Variants in TOP2A observed in about 807,000 individuals in gnomAD.
The protein encoded by TOP2A is DNA topoisomerase II alpha.
In TOP2A, 68 loss-of-function variants were observed where a neutral mutation model predicts 187.2. That is an observed-to-expected ratio of 0.36 (90% confidence interval 0.30 to 0.44). The LOEUF (loss-of-function observed/expected upper bound fraction) is 0.44. TOP2A is among the 20% of genes least tolerant of loss of function. The pLI is 1.00. For synonymous variants in TOP2A, 542 were observed against 593.2 expected, an observed-to-expected ratio of 0.91 and a Z score of 1.25; for missense variants, 1,196 against 1,808.7, an observed-to-expected ratio of 0.66 and a Z score of 6.14.
Position 40,400,336 on chromosome 17 carries a change from CTA to C in TOP2A, c.2871_2872del (p.Tyr957Ter). On this transcript the variant is annotated stop_gained and frameshift_variant, in exon 23 of 35. Transcript: ENST00000423485. LOFTEE classifies it high-confidence loss of function. ...CACAGTGGTATCTGTATGGTATTCCCTATAGTCTGTTATGAGAGGAGGTGTCT... is the reference window on the plus strand; with the variant it reads ...CACAGTGGTATCTGTATGGTATTCCCTAGTCTGTTATGAGAGGAGGTGTCT... The C allele has an allele frequency of 6.2e-7, 1 of 1,613,404 alleles. No individual in the cohort carries two copies. The highest frequency in any genetic ancestry group is 1.1e-5 in the South Asian group (1 of 91,038).
At chr17:40,404,338 C>T in intron 18 of TOP2A, 39 bp downstream of exon 18, 1 of 1,606,744 alleles carries the variant, frequency 6.2e-7, no homozygotes, top group East Asian at 2.2e-5. Flanking sequence ...ATTTGATTTC[C>T]ATCTTACAAT....
rs1334876755 is a variant in TOP2A, at chr17:40,407,260, A to G, written c.1626+289T>C. On this transcript the variant is annotated intron_variant, in intron 13 of 34. Coordinates refer to ENST00000423485, the MANE Select transcript of TOP2A (RefSeq NM_001067.4). ...GCCTGGGCGACAAGGGCGAAACTCC[A>G]TCTCAAACAAACAAAGAATTGTTTA... Among the ~76,000 whole-genome samples, 3 of 152,230 alleles carry G rather than the reference A, an allele frequency of 2.0e-5. No homozygotes were observed. The East Asian group carries it at 5.8e-4, about 29-fold the overall frequency.
intron 19 of TOP2A, among the ~76,000 whole-genome samples, chr17:40,403,388 T>C (rs546290764): frequency 6.6e-6 from 1 of 152,348 alleles, no homozygotes; most frequent in African/African-American, 2.4e-5. Context: ...TGTGTGTGTA[T>C]TGGCCCTCTG....
At chr17:40,395,915 AT>A (rs372532948) in intron 28 of TOP2A, among the ~76,000 whole-genome samples, 6 of 149,680 alleles carry the variant, frequency 4.0e-5, no homozygotes, top group African/African-American at 1.2e-4. Flanking sequence ...AATTTTATAC[AT>A]TTTTTTTTCA....
At chr17:40,394,435 C>T (rs921299090) in intron 29 of TOP2A, among the ~76,000 whole-genome samples, 11 of 152,252 alleles carry the variant, frequency 7.2e-5, no homozygotes, top group Non-Finnish European at 1.0e-4. Context: ...TGGGTTCAAG[C>T]GACACTCGTG....
Position 40,392,550 on chromosome 17 carries a change from AC to A in TOP2A, c.3964+34del, listed in dbSNP as rs1261694679. The A allele has an allele frequency of 1.9e-6, 3 of 1,588,514 alleles. No individual in the cohort carries two copies. In the African/African-American group the frequency reaches 4.1e-5, roughly 22 times the overall value. On this transcript the variant is annotated intron_variant, in intron 30 of 34. Coordinates refer to ENST00000423485, the MANE Select transcript of TOP2A (RefSeq NM_001067.4). ...GAAGTATATTGGCCATTCCACTCTT[AC>A]AGTTTATCTATAATGTTCTTTAGTT...
rs2035342263 is a variant in TOP2A, at chr17:40,412,982, AAAG to A, written c.577-14_577-12del. The A allele has an allele frequency of 1.9e-6, 3 of 1,590,162 alleles. No homozygotes were observed. Among genetic ancestry groups the A allele is most frequent in the African/African-American group, 1.3e-5 (1 of 74,140 alleles). Reference sequence around the variant, plus strand: ...ATTATCCATCCATGTCTATGGAAGTAAAGAATAGGAAACATGAAAAATTCAAGT... The same window carrying A: ...ATTATCCATCCATGTCTATGGAAGTAAATAGGAAACATGAAAAATTCAAGT... On this transcript the variant is annotated splice_polypyrimidine_tract_variant and intron_variant, in intron 6 of 34. Coordinates refer to ENST00000423485, the MANE Select transcript of TOP2A (RefSeq NM_001067.4).
chr17:40,413,840 T>TA (rs1402351196), intron 4 of TOP2A, among the ~76,000 whole-genome samples: 2 of 151,980 alleles, frequency 1.3e-5, no homozygotes, highest in East Asian at 1.9e-4. Flanking sequence ...CTACTAAAAA[T>TA]AAAAAAAATT....
At chr17:40,416,179 T>A in intron 3 of TOP2A, 111 bp from the exon 4 acceptor site, 1 of 897,518 alleles carries the variant, frequency 1.1e-6, no homozygotes, top group Non-Finnish European at 1.7e-6. Flanking sequence ...GGAGTGGCAT[T>A]AACAAGGTGT....
At position 40,402,935 on chromosome 17, in the gene TOP2A, A is replaced by G; in HGVS notation, c.2403T>C (p.Ala801=). 1 of 1,609,514 alleles carries G rather than the reference A, an allele frequency of 6.2e-7. No individual in the cohort carries two copies. The highest frequency in any genetic ancestry group is 8.5e-7 in the Non-Finnish European group (1 of 1,177,762). ...GTRLHGGKDS[A]SPRYIFTMLS... ...GCATTGTAAAGATGTATCGTGGACT[A>G]GCAGAATCCTTGCCACCATGTAGCC... Residue 801 remains alanine (A), a synonymous_variant, in exon 20 of 35, where the codon GCT becomes GCC. Transcript: ENST00000423485.
intron 7 of TOP2A, among the ~76,000 whole-genome samples, chr17:40,412,431 G>T (rs1485951033): frequency 1.3e-5 from 2 of 152,010 alleles, no homozygotes; most frequent in Non-Finnish European, 2.9e-5. Flanking sequence ...GGATCATGAG[G>T]TCTGGTGTTC....
intron 20 of TOP2A, among the ~76,000 whole-genome samples, chr17:40,401,414 A>G (rs1455097751): frequency 6.6e-6 from 1 of 152,134 alleles, no homozygotes; most frequent in Non-Finnish European, 1.5e-5. Context: ...TGAGCAGAGA[A>G]AAGACACTGA....
intron 14 of TOP2A, 40 bp from the exon 15 acceptor site, chr17:40,406,729 G>T (rs1455555755): frequency 6.3e-7 from 1 of 1,590,628 alleles, no homozygotes; most frequent in Non-Finnish European, 8.6e-7. Context: ...GTACACTGTG[G>T]GGTCCCCTGT....
At chr17:40,413,674 G>T in intron 4 of TOP2A, 49 bp from the exon 5 acceptor site, 1 of 909,796 alleles carries the variant, frequency 1.1e-6, no homozygotes. Flanking sequence ...TTAAACGAAT[G>T]CTTAACATTT....
intron 28 of TOP2A, among the ~76,000 whole-genome samples, chr17:40,395,879 C>T (rs1598609463): frequency 6.6e-6 from 1 of 152,096 alleles, no homozygotes; most frequent in East Asian, 1.9e-4. Flanking sequence ...CACAGCGAGA[C>T]TCCATCTCAA....
intron 3 of TOP2A, 90 bp downstream of exon 3, chr17:40,416,332 T>C (rs533256130): frequency 1.0e-6 from 1 of 964,808 alleles, no homozygotes; most frequent in African/African-American, 1.7e-5. Context: ...ATACTTTTTG[T>C]TTTTACTTTT....
chr17:40,392,471 T>A, intron 30 of TOP2A, 114 bp downstream of exon 30: 1 of 1,470,880 alleles, frequency 6.8e-7, no homozygotes, highest in Non-Finnish European at 9.2e-7. Context: ...TTCAAAGCTT[T>A]AACATAATTT....
chr17:40,404,775 T>C lies in TOP2A; in HGVS notation c.2046+16A>G, dbSNP rs778777303. On this transcript the variant is annotated intron_variant, in intron 17 of 34. Transcript: ENST00000423485. Reference sequence around the variant, plus strand: ...GTCTAACAATCCATTTTGTGGCATATATTTAAAACTTTTACCTCAGGAAGC... The same window carrying C: ...GTCTAACAATCCATTTTGTGGCATACATTTAAAACTTTTACCTCAGGAAGC... 8 of 1,520,836 alleles carry C rather than the reference T, an allele frequency of 5.3e-6. No individual in the cohort carries two copies. The highest frequency in any genetic ancestry group is 7.3e-6 in the Non-Finnish European group (8 of 1,102,774). 94.2% of individuals were successfully genotyped at this position (1,520,836 alleles called of 1,614,324 possible).
In TOP2A at chr17:40,417,798, G is replaced by A. The variant is rs1019677842; in HGVS notation, c.-7C>T. On this transcript the variant is annotated 5_prime_UTR_variant, in exon 1 of 35. Transcript: ENST00000423485. ...GCAATGGTGACACTTCCATGGTGAC[G>A]GTCGTGAAGGGGCTCAAGAACCCTG... The A allele has an allele frequency of 1.2e-6, 2 of 1,613,480 alleles. No individual in the cohort carries two copies. Among genetic ancestry groups the A allele is most frequent in the Non-Finnish European group, 1.7e-6 (2 of 1,179,852 alleles).
Sources: gnomAD v4.1 joint callset for allele counts (sites outside exome capture counted in the v4.1 genomes callset) on GRCh38, gnomAD v4.1.1 for gene constraint, MANE v1.5 for transcripts, NCBI Gene and HGNC (gene_info 2026-07-23, HGNC 2026-07-21) for gene names.